Variants in SCFD2 observed in about 807,000 individuals in gnomAD.
The protein encoded by SCFD2 is sec1 family domain containing 2, also known as sec1 family domain-containing protein 2.
A neutral mutation model predicts 58.9 loss-of-function variants in SCFD2; 54 were observed. The observed-to-expected ratio is 0.92, with a 90% CI of 0.74 to 1.15. The LOEUF (loss-of-function observed/expected upper bound fraction) is 1.15. SCFD2 is among the 50% of genes most tolerant of loss of function. SCFD2 has a pLI of 0.00. For synonymous variants in SCFD2, 321 were observed against 335.9 expected, an observed-to-expected ratio of 0.96 and a Z score of 0.49; for missense variants, 805 against 836.6, an observed-to-expected ratio of 0.96 and a Z score of 0.47.
chr4:53,247,880 A>AAT (rs1730157823), intron 4 of SCFD2, among the ~76,000 whole-genome samples: 1 of 150,936 alleles, frequency 6.6e-6, no homozygotes, highest in Non-Finnish European at 1.5e-5. Flanking sequence ...AAAAAAAAAA[A>AAT]AAAAAAAAAA....
intron 2 of SCFD2, among the ~76,000 whole-genome samples, chr4:53,338,681 C>T (rs1269361844): frequency 8.8e-4 from 120 of 136,396 alleles, no homozygotes; most frequent in African/African-American, 1.4e-3. Context: ...CCCGGGTTCA[C>T]GCCATTCTCC....
At chr4:53,310,117 T>A (rs565099150) in intron 3 of SCFD2, among the ~76,000 whole-genome samples, 495 of 152,280 alleles carry the variant, frequency 3.3e-3, no homozygotes, top group Non-Finnish European at 4.5e-3. Flanking sequence ...AGAAGGATGG[T>A]GACTGGCAAA....
At chr4:52,960,028 C>T (rs1036284573) in intron 5 of SCFD2, among the ~76,000 whole-genome samples, 1 of 152,080 alleles carries the variant, frequency 6.6e-6, no homozygotes, top group African/African-American at 2.4e-5. Flanking sequence ...AGTTTTGTCA[C>T]CTTGTCCACG....
intron 5 of SCFD2, among the ~76,000 whole-genome samples, chr4:53,035,104 A>G (rs936332766): frequency 3.3e-5 from 5 of 152,226 alleles, no homozygotes; most frequent in Admixed American, 6.5e-5. Context: ...CCAAAACAGC[A>G]TGGTACTGGT....
intron 4 of SCFD2, among the ~76,000 whole-genome samples, chr4:53,249,104 T>G (rs965203177): frequency 2.6e-5 from 4 of 152,124 alleles, no homozygotes; most frequent in African/African-American, 9.7e-5. Context: ...TACAGAGAAG[T>G]GCTTAAAGGA....
intron 7 of SCFD2, among the ~76,000 whole-genome samples, chr4:52,898,341 C>T (rs147465908): frequency 0.013 from 1,920 of 152,168 alleles, 34 homozygotes; most frequent in African/African-American, 0.041. Context: ...CCAGAGATTC[C>T]GGTATGTTGT....
intron 3 of SCFD2, among the ~76,000 whole-genome samples, chr4:53,299,545 T>G (rs1318780393): frequency 6.6e-6 from 1 of 152,092 alleles, no homozygotes; most frequent in Admixed American, 6.5e-5. Context: ...CCAGGAGAAC[T>G]TCCCCAATCT....
intron 1 of SCFD2, 119 bp downstream of exon 1, chr4:53,364,985 T>C (rs775507691): frequency 2.4e-6 from 3 of 1,224,748 alleles, no homozygotes; most frequent in Non-Finnish European, 3.4e-6. Flanking sequence ...GTCCATCTAG[T>C]TCATCTTTGT....
At chr4:53,241,221 C>T (rs552350334) in intron 4 of SCFD2, among the ~76,000 whole-genome samples, 3 of 152,282 alleles carry the variant, frequency 2.0e-5, no homozygotes, top group South Asian at 2.1e-4. Context: ...CAGAAAAGTA[C>T]GAGGGGCAGA....
intron 2 of SCFD2, among the ~76,000 whole-genome samples, chr4:53,320,187 T>G (rs1355161284): frequency 1.3e-5 from 2 of 152,198 alleles, no homozygotes; most frequent in African/African-American, 4.8e-5. Flanking sequence ...GCCCAGTAAA[T>G]TAGGGTTTGA....
chr4:53,113,297 T>C (rs2148886153), intron 5 of SCFD2, among the ~76,000 whole-genome samples: 1 of 152,206 alleles, frequency 6.6e-6, no homozygotes, highest in East Asian at 1.9e-4. Flanking sequence ...AACCCTTACT[T>C]TGGCCAATGA....
intron 2 of SCFD2, among the ~76,000 whole-genome samples, chr4:53,344,827 C>T (rs1049762758): frequency 1.3e-5 from 2 of 152,118 alleles, no homozygotes; most frequent in Admixed American, 1.3e-4. Context: ...TTTGACAAAC[C>T]TGAGAAAACA....
chr4:53,354,062 C>T (rs1402210657), intron 1 of SCFD2, among the ~76,000 whole-genome samples: 1 of 152,276 alleles, frequency 6.6e-6, no homozygotes, highest in Non-Finnish European at 1.5e-5. Context: ...AGCTGCCCAC[C>T]AGTCCTGCAC....
chr4:53,341,350 G>C (rs569210614), intron 2 of SCFD2, among the ~76,000 whole-genome samples: 1 of 152,234 alleles, frequency 6.6e-6, no homozygotes, highest in East Asian at 1.9e-4. Context: ...TGGAAGAAAG[G>C]GTATCAGTGA....
At chr4:52,997,643 T>C (rs1721773603) in intron 5 of SCFD2, among the ~76,000 whole-genome samples, 1 of 152,176 alleles carries the variant, frequency 6.6e-6, no homozygotes, top group African/African-American at 2.4e-5. Flanking sequence ...CCTCAGGGCT[T>C]AGGCCTGGGG....
intron 8 of SCFD2, among the ~76,000 whole-genome samples, chr4:52,879,452 T>C (rs563799410): frequency 6.6e-6 from 1 of 152,362 alleles, no homozygotes; most frequent in African/African-American, 2.4e-5. Context: ...GGCAGTTCTA[T>C]CAAGGAATGT....
intron 5 of SCFD2, among the ~76,000 whole-genome samples, chr4:53,125,685 C>T (rs1454587447): frequency 1.3e-5 from 2 of 152,240 alleles, no homozygotes; most frequent in Admixed American, 6.5e-5. Context: ...AGCAAACACA[C>T]TCCTGCCACT....
intron 6 of SCFD2, among the ~76,000 whole-genome samples, chr4:52,917,365 T>C (rs1312248732): frequency 1.3e-5 from 2 of 152,180 alleles, no homozygotes; most frequent in Non-Finnish European, 2.9e-5. Context: ...ACAGTTGGGC[T>C]ATGAACCCCG....
intron 3 of SCFD2, among the ~76,000 whole-genome samples, chr4:53,297,943 G>A (rs899535272): frequency 6.6e-6 from 1 of 152,174 alleles, no homozygotes; most frequent in Non-Finnish European, 1.5e-5. Context: ...GAAATTCTGG[G>A]TTGAAAATTC....
Sources: gnomAD v4.1 joint callset for allele counts (sites outside exome capture counted in the v4.1 genomes callset) on GRCh38, gnomAD v4.1.1 for gene constraint, MANE v1.5 for transcripts, NCBI Gene and HGNC (gene_info 2026-07-23, HGNC 2026-07-21) for gene names.